Variants in ASTN2 observed in about 807,000 individuals in gnomAD.
ASTN2 encodes astrotactin-2.
ASTN2 carries 54 observed loss-of-function variants against 139.8 expected under a neutral mutation model. The ratio of observed to expected loss-of-function variants is 0.39; its 90% confidence interval spans 0.31 to 0.48. ASTN2 has a LOEUF of 0.48. Among genes scored for constraint, ASTN2 ranks in the 20% least tolerant of loss-of-function variants. The probability of loss-of-function intolerance (pLI) is 0.95; values close to 1 mark genes in which losing one functional copy is unlikely to be tolerated. For missense variants in ASTN2, 1,565 were observed against 1,725.1 expected, an observed-to-expected ratio of 0.91 and a Z score of 1.64; for synonymous variants, 756 against 719.5, an observed-to-expected ratio of 1.05 and a Z score of -0.81.
chr9:116,852,770 G>T (rs1426599571), intron 11 of ASTN2, among the ~76,000 whole-genome samples: 1 of 151,974 alleles, frequency 6.6e-6, no homozygotes, highest in Non-Finnish European at 1.5e-5. Context: ...ATCCTGGGTG[G>T]AAGAGAGTCC....
chr9:116,559,041 G>A (rs553282699), intron 19 of ASTN2, among the ~76,000 whole-genome samples: 1 of 152,284 alleles, frequency 6.6e-6, no homozygotes, highest in East Asian at 1.9e-4. Context: ...ACATTCAAGG[G>A]TAGGGAAGCA....
chr9:117,186,418 G>A (rs973116601), intron 3 of ASTN2, among the ~76,000 whole-genome samples: 1 of 151,930 alleles, frequency 6.6e-6, no homozygotes, highest in Non-Finnish European at 1.5e-5. Context: ...GTGGTGGCGG[G>A]CGCCTGTAGT....
chr9:116,727,204 G>A (rs545641640), intron 15 of ASTN2, among the ~76,000 whole-genome samples: 2 of 152,192 alleles, frequency 1.3e-5, no homozygotes, highest in African/African-American at 2.4e-5. Flanking sequence ...AAAGTCGGAA[G>A]CTCTACCTTA....
At chr9:117,182,186 A>G (rs1831087414) in intron 3 of ASTN2, among the ~76,000 whole-genome samples, 1 of 151,762 alleles carries the variant, frequency 6.6e-6, no homozygotes, top group Non-Finnish European at 1.5e-5. Flanking sequence ...GGCCAGCCTC[A>G]TGCATATTTA....
At chr9:116,899,018 C>G (rs1323626786) in intron 10 of ASTN2, among the ~76,000 whole-genome samples, 1 of 152,030 alleles carries the variant, frequency 6.6e-6, no homozygotes, top group Non-Finnish European at 1.5e-5. Flanking sequence ...CTGCCTAACC[C>G]CCATGGAATC....
chr9:117,169,489 G>T (rs1830742438), intron 3 of ASTN2, among the ~76,000 whole-genome samples: 1 of 152,066 alleles, frequency 6.6e-6, no homozygotes, highest in Non-Finnish European at 1.5e-5. Flanking sequence ...GCTTATGATT[G>T]TTCTTGGATA....
intron 10 of ASTN2, among the ~76,000 whole-genome samples, chr9:116,936,153 C>T: frequency 6.8e-6 from 1 of 146,596 alleles, no homozygotes. Context: ...CCAATACCAC[C>T]ACCTCCATCA....
intron 22 of ASTN2, among the ~76,000 whole-genome samples, chr9:116,427,415 A>G (rs1221829418): frequency 6.6e-6 from 1 of 152,248 alleles, no homozygotes; most frequent in East Asian, 1.9e-4. Flanking sequence ...TTAGAGAAGG[A>G]ATAGAATATC....
At chr9:117,065,398 A>C (rs553045410) in intron 5 of ASTN2, among the ~76,000 whole-genome samples, 1 of 152,080 alleles carries the variant, frequency 6.6e-6, no homozygotes, top group Admixed American at 6.6e-5. Flanking sequence ...TTCGAGACTC[A>C]GTATTAGTAT....
At position 117,414,371 on chromosome 9, in the gene ASTN2, C is replaced by T. The variant is rs1466500237; in HGVS notation, c.442+126G>A. ...CCTGTGCGACCTCTGGGCCCCTCCT[C>T]TACCCTCTGCCAACCCCACTCGGGG... On this transcript the variant is annotated intron_variant, in intron 1 of 22. Coordinates refer to ENST00000313400, the MANE Select transcript of ASTN2 (RefSeq NM_001365068.1). The surrounding 1 kb of genome is among the most constrained non-coding windows in gnomAD (Gnocchi z 4.2). 10 of 1,456,062 alleles carry T rather than the reference C, an allele frequency of 6.9e-6. No individual in the cohort carries two copies. The highest frequency in any genetic ancestry group is 4.7e-5 in the Admixed American group (2 of 42,768). The allele number at this position is 1,456,062 out of a possible 1,614,324, so 90.2% of individuals were successfully genotyped here.
chr9:116,777,980 C>T, intron 13 of ASTN2, among the ~76,000 whole-genome samples: 1 of 152,032 alleles, frequency 6.6e-6, no homozygotes, highest in East Asian at 1.9e-4. Flanking sequence ...GCAGCTGGGA[C>T]TATAGGTGTG....
intron 10 of ASTN2, among the ~76,000 whole-genome samples, chr9:116,967,532 C>G (rs994052729): frequency 2.5e-4 from 38 of 152,188 alleles, no homozygotes; most frequent in African/African-American, 8.7e-4. Context: ...ACCCTTCTAT[C>G]AACATCCCTA....
chr9:117,118,483 T>C (rs536546432), intron 4 of ASTN2, among the ~76,000 whole-genome samples: 2 of 152,300 alleles, frequency 1.3e-5, no homozygotes, highest in East Asian at 3.9e-4. Context: ...GCTATCATCG[T>C]CTGTCTATTT....
At chr9:117,144,865 T>C (rs1410650757) in intron 3 of ASTN2, among the ~76,000 whole-genome samples, 1 of 151,646 alleles carries the variant, frequency 6.6e-6, no homozygotes, top group African/African-American at 2.4e-5. Context: ...GGATTTTTAG[T>C]AGAGGTGGGG....
At chr9:117,230,874 T>A (rs1832870810) in intron 2 of ASTN2, among the ~76,000 whole-genome samples, 1 of 152,154 alleles carries the variant, frequency 6.6e-6, no homozygotes, top group South Asian at 2.1e-4. Flanking sequence ...CAATAAATCC[T>A]TTCTGACACA....
chr9:117,119,465 C>T (rs377248786), intron 4 of ASTN2, among the ~76,000 whole-genome samples: 1 of 152,088 alleles, frequency 6.6e-6, no homozygotes, highest in Admixed American at 6.6e-5. Flanking sequence ...TAGGGTGTGG[C>T]CTCCTGATGT....
chr9:116,973,802 A>G (rs1836274065), intron 10 of ASTN2, among the ~76,000 whole-genome samples: 1 of 152,170 alleles, frequency 6.6e-6, no homozygotes, highest in Admixed American at 6.5e-5. Context: ...GTTCCTAGTA[A>G]TCACTATTTC....
intron 3 of ASTN2, chr9:117,180,780 C>T (rs1420436415): frequency 1.3e-6 from 2 of 1,557,186 alleles, no homozygotes; most frequent in Non-Finnish European, 1.8e-6. Context: ...CAGGGATGAG[C>T]TGCTTCTCAG....
intron 5 of ASTN2, among the ~76,000 whole-genome samples, chr9:117,072,245 C>T (rs1564412912): frequency 6.6e-6 from 1 of 152,200 alleles, no homozygotes; most frequent in Non-Finnish European, 1.5e-5. Context: ...TGGAATAGCA[C>T]ACATCCTTGA....
Sources: allele counts gnomAD v4.1 joint callset (sites outside exome capture counted in the v4.1 genomes callset), GRCh38; gene constraint gnomAD v4.1.1; non-coding constraint Gnocchi (gnomAD v3.1); transcripts MANE v1.5; gene names NCBI Gene and HGNC (gene_info 2026-07-23, HGNC 2026-07-21).